The following HMGCS2 variants were observed in gnomAD, a reference collection of about 807,000 sequenced individuals.
The protein encoded by HMGCS2 is hydroxymethylglutaryl-CoA synthase, mitochondrial.
In HMGCS2, 50 loss-of-function variants were observed where a neutral mutation model predicts 57.4. The observed-to-expected ratio is 0.87, with a 90% CI of 0.69 to 1.10. The LOEUF (loss-of-function observed/expected upper bound fraction) is 1.10. Ranked by LOEUF, HMGCS2 falls within the 50% of genes least tolerant of loss-of-function variation. The probability of loss-of-function intolerance (pLI) is 0.00; values close to 1 mark genes in which losing one functional copy is unlikely to be tolerated. For synonymous variants in HMGCS2, 254 were observed against 245.1 expected (o/e 1.04, Z -0.34); for missense variants, 627 against 636.5 (o/e 0.99, Z 0.16).
chr1:119,752,016 T>C (rs1469071726), intron 8 of HMGCS2, among the ~76,000 whole-genome samples: 1 of 149,602 alleles, frequency 6.7e-6, no homozygotes, highest in African/African-American at 2.5e-5. Flanking sequence ...TTTTTGTTTT[T>C]ATGTTTGGTG....
At chr1:119,768,347 T>C (rs1211692766) in intron 1 of HMGCS2, among the ~76,000 whole-genome samples, 2 of 152,182 alleles carry the variant, frequency 1.3e-5, no homozygotes, top group Non-Finnish European at 2.9e-5. Context: ...GCTGCAGTGA[T>C]ATAAAGTCAC....
rs587689713 is a variant in HMGCS2, at chr1:119,752,808, T to C, written c.1295-134A>G. 4 of 973,070 alleles carry C rather than the reference T, an allele frequency of 4.1e-6. No homozygotes were observed. The South Asian group carries it at 5.4e-5, about 13-fold the overall frequency. 60.3% of individuals were successfully genotyped at this position (973,070 alleles called of 1,614,324 possible). A position where few individuals can be genotyped will look rare whatever the true frequency, so the allele number is the denominator to read the frequency against. ...AACGTGTGGTGTGTGTGGCTTAGAA[T>C]ACCAAGAAATGATAAGCAAGCATAC... On this transcript the variant is annotated intron_variant, in intron 7 of 9. Transcript: ENST00000369406.
At chr1:119,764,079 A>T in intron 2 of HMGCS2, 93 bp downstream of exon 2, 2 of 1,057,120 alleles carry the variant, frequency 1.9e-6, no homozygotes, top group Non-Finnish European at 2.9e-6. Context: ...CCTTCACTAG[A>T]TGAAGCCACC....
intron 5 of HMGCS2, among the ~76,000 whole-genome samples, chr1:119,756,924 C>T (rs1406276263): frequency 6.6e-6 from 1 of 152,142 alleles, no homozygotes; most frequent in African/African-American, 2.4e-5. Context: ...ATGTCTAGCA[C>T]ATAACATGTT....
chr1:119,756,462 T>C (rs1009544682), intron 5 of HMGCS2, among the ~76,000 whole-genome samples: 1 of 152,178 alleles, frequency 6.6e-6, no homozygotes, highest in Admixed American at 6.5e-5. Flanking sequence ...CTAATTTTGA[T>C]GTTTTAGTTA....
chr1:119,758,806 G>A (rs2101261351), intron 4 of HMGCS2, among the ~76,000 whole-genome samples: 1 of 152,324 alleles, frequency 6.6e-6, no homozygotes, highest in South Asian at 2.1e-4. Flanking sequence ...ACTGTCGAAT[G>A]TGACTGCCCA....
intron 6 of HMGCS2, 23 bp downstream of exon 6, chr1:119,755,404 A>T: frequency 6.2e-7 from 1 of 1,612,350 alleles, no homozygotes; most frequent in South Asian, 1.1e-5. Flanking sequence ...CATGGAGGAC[A>T]TGGAGCCAGA....
At chr1:119,765,577 AT>A (rs1485966298) in intron 1 of HMGCS2, among the ~76,000 whole-genome samples, 1 of 152,196 alleles carries the variant, frequency 6.6e-6, no homozygotes, top group African/African-American at 2.4e-5. Flanking sequence ...TCTTACTTAA[AT>A]TAATACTTAT....
intron 4 of HMGCS2, among the ~76,000 whole-genome samples, chr1:119,758,473 A>G (rs1160801675): frequency 6.6e-6 from 1 of 152,162 alleles, no homozygotes; most frequent in Non-Finnish European, 1.5e-5. Flanking sequence ...CCTGGGTTCA[A>G]GCAATCCTCC....
chr1:119,753,427 AC>A, intron 6 of HMGCS2, 41 bp from the exon 7 acceptor site: 1 of 804,320 alleles, frequency 1.2e-6, no homozygotes, highest in South Asian at 1.4e-5. Context: ...ACACACACAC[AC>A]ACACACACAC....
rs1026625653 is a variant in HMGCS2, at chr1:119,751,204, T to A, written c.1421-296A>T. On this transcript the variant is annotated intron_variant, in intron 8 of 9. Transcript: ENST00000369406. ...TTCCTCCATTGAAATCTTCATCCCA[T>A]CCTTTTGCCAATAGTTCCTACTTTG... is the stretch of plus-strand genomic sequence containing the variant. Among the ~76,000 whole-genome samples, 3 of 152,236 alleles carry A rather than the reference T, an allele frequency of 2.0e-5. No individual in the cohort carries two copies. The East Asian group carries it at 5.8e-4, about 29-fold the overall frequency.
chr1:119,750,896 G>C lies in HMGCS2; in HGVS notation c.1433C>G (p.Pro478Arg). ...EQFYHKVNFS[P>R]PGDTNSLFPG... ...GAAAAGGCTGTTTGTGTCACCAGGT[G>C]GGGAGAAATTCACTGTGGAATGAGG... The change falls in exon 9 of 10, where the codon CCA (proline) becomes CGA (arginine). Residue 478 changes from proline (P) to arginine (R), a missense_variant. Coordinates refer to ENST00000369406, the MANE Select transcript of HMGCS2 (RefSeq NM_005518.4). 1 of 1,608,214 alleles carries C rather than the reference G, an allele frequency of 6.2e-7. No homozygotes were observed. Among genetic ancestry groups the C allele is most frequent in the Non-Finnish European group, 8.5e-7 (1 of 1,174,654 alleles).
At chr1:119,752,740 T>C (rs1340141009) in intron 7 of HMGCS2, 66 bp from the exon 8 acceptor site, 3 of 1,588,764 alleles carry the variant, frequency 1.9e-6, no homozygotes, top group Non-Finnish European at 2.6e-6. Context: ...CAATCACGAG[T>C]TCAACAGAGA....
intron 5 of HMGCS2, 74 bp downstream of exon 5, chr1:119,757,199 G>A: frequency 6.2e-7 from 1 of 1,610,896 alleles, no homozygotes. Flanking sequence ...TGGTGGTCTA[G>A]ACTTAAGGCA....
chr1:119,759,906 C>A lies in HMGCS2; in HGVS notation c.643G>T (p.Ala215Ser), dbSNP rs779939076. 2 of 1,614,088 alleles carry A rather than the reference C, an allele frequency of 1.2e-6. No homozygotes were observed. The highest frequency in any genetic ancestry group is 2.7e-5 in the African/African-American group (2 of 74,948). Residue 215 changes from alanine (A) to serine (S), a missense_variant, in exon 3 of 10, where the codon GCT (alanine) becomes TCT (serine). Ala to Ser is a moderately conservative substitution (Grantham distance 99). Transcript: ENST00000369406. ...ARPTGGAGAV[A>S]MLIGPKAPLA... ...GGGGCCTTGGGCCCAATCAGCATAG[C>A]CACAGCTCCGGCCCCACCTGTGGGA...
chr1:119,755,754 T>C (rs1466822821), intron 5 of HMGCS2, among the ~76,000 whole-genome samples, 157 bp from the exon 6 acceptor site: 2 of 152,172 alleles, frequency 1.3e-5, no homozygotes, highest in East Asian at 1.9e-4. Flanking sequence ...ATACCACTAA[T>C]GGCCTTACCA....
intron 8 of HMGCS2, among the ~76,000 whole-genome samples, chr1:119,752,219 T>C (rs1652683183): frequency 6.6e-6 from 1 of 152,216 alleles, no homozygotes; most frequent in South Asian, 2.1e-4. Context: ...GATTTGGATA[T>C]CTAGCTCTAA....
intron 5 of HMGCS2, 129 bp from the exon 6 acceptor site, chr1:119,755,726 A>G: frequency 1.2e-6 from 1 of 857,498 alleles, no homozygotes; most frequent in Non-Finnish European, 2.0e-6. Flanking sequence ...GGAAATACAG[A>G]ACAGTACAGA....
At chr1:119,757,586 C>A in intron 4 of HMGCS2, 148 bp from the exon 5 acceptor site, 3 of 1,291,494 alleles carry the variant, frequency 2.3e-6, no homozygotes, top group Non-Finnish European at 2.1e-6. Context: ...TTTATTTATT[C>A]ATTTTACATG....
Sources: allele counts gnomAD v4.1 joint callset (sites outside exome capture counted in the v4.1 genomes callset), GRCh38; gene constraint gnomAD v4.1.1; transcripts MANE v1.5; gene names NCBI Gene and HGNC (gene_info 2026-07-23, HGNC 2026-07-21).